Variants in DEPDC5 observed in about 807,000 individuals in gnomAD.
The protein encoded by DEPDC5 is GATOR1 complex protein DEPDC5.
In DEPDC5, 73 loss-of-function variants were observed where a neutral mutation model predicts 217.3. The ratio of observed to expected loss-of-function variants is 0.34; its 90% CI spans 0.28 to 0.41. The LOEUF (loss-of-function observed/expected upper bound fraction) is 0.41. Ranked by LOEUF, DEPDC5 falls within the 10% of genes least tolerant of loss-of-function variation. DEPDC5 has a pLI of 1.00. For synonymous variants in DEPDC5, 733 were observed against 756.7 expected (o/e 0.97, Z 0.51); for missense variants, 1,675 against 2,070.1 (o/e 0.81, Z 3.70).
intron 33 of DEPDC5, among the ~76,000 whole-genome samples, chr22:31,864,526 T>TATATATATATATATATATATATATA (rs1335760559): frequency 3.9e-4 from 46 of 117,806 alleles, no homozygotes; most frequent in South Asian, 1.1e-3. Flanking sequence ...ATATATATAT[T>TATATATATATATATATATATATATA]TATATATTTA....
At chr22:31,795,634 T>TC (rs2086157666) in intron 12 of DEPDC5, among the ~76,000 whole-genome samples, 1 of 152,162 alleles carries the variant, frequency 6.6e-6, no homozygotes, top group Non-Finnish European at 1.5e-5. Flanking sequence ...CCTCAGGTGA[T>TC]CCGCCTGCCT....
At chr22:31,843,425 A>G (rs2091518180) in intron 28 of DEPDC5, among the ~76,000 whole-genome samples, 1 of 152,222 alleles carries the variant, frequency 6.6e-6, no homozygotes, top group Admixed American at 6.5e-5. Context: ...AGCATGATTC[A>G]TGACAAGCCT....
chr22:31,783,806 C>A, intron 8 of DEPDC5, 101 bp from the exon 9 acceptor site: 1 of 976,736 alleles, frequency 1.0e-6, no homozygotes, highest in Non-Finnish European at 1.5e-6. Context: ...GTGTTAAGAA[C>A]ATTTACACTG....
At chr22:31,791,940 A>G in intron 10 of DEPDC5, 93 bp from the exon 11 acceptor site, 1 of 632,198 alleles carries the variant, frequency 1.6e-6, no homozygotes, top group Non-Finnish European at 2.4e-6. Context: ...AAAAAAAAAA[A>G]AAAAAAAAAA....
chr22:31,813,769 T>C (rs1048574142), intron 20 of DEPDC5: 2 of 152,074 alleles, frequency 1.3e-5, no homozygotes, highest in Non-Finnish European at 2.9e-5. Context: ...TGAACAGTTA[T>C]CACCATGTTG....
chr22:31,780,624 C>T (rs548009451), intron 8 of DEPDC5, among the ~76,000 whole-genome samples: 144 of 152,280 alleles, frequency 9.5e-4, no homozygotes, highest in Middle Eastern at 3.4e-3. Flanking sequence ...TTCCCCTTCC[C>T]AAGCCACTCA....
chr22:31,845,767 A>ATG (rs113529867), intron 30 of DEPDC5, among the ~76,000 whole-genome samples: 5,434 of 149,248 alleles, frequency 0.036, 146 homozygotes, highest in African/African-American at 0.079. Context: ...GTGTGTGTGT[A>ATG]TGTGTGTGTG....
chr22:31,804,740 C>A, intron 16 of DEPDC5, 102 bp from the exon 17 acceptor site: 1 of 1,253,508 alleles, frequency 8.0e-7, no homozygotes, highest in South Asian at 1.3e-5. Flanking sequence ...GCGCCCAGCC[C>A]TAAAAAATTT....
rs192769874 is a variant in DEPDC5, at chr22:31,880,499, A to G, written c.4033+747A>G. ...AAGGAAGAAAGCAAATAGAACATAA[A>G]CCAAACTCCAGGGAAATTCCATGTT... On this transcript the variant is annotated intron_variant, in intron 38 of 42. Coordinates refer to ENST00000651528, the MANE Select transcript of DEPDC5 (RefSeq NM_001242896.3). 1.5e-4 allele frequency among the ~76,000 whole-genome samples: 23 copies of G among 152,306 alleles called. No homozygotes were observed. In the East Asian group the frequency reaches 4.1e-3, roughly 27 times the overall value.
At chr22:31,786,148 C>T (rs1439292245) in intron 10 of DEPDC5, among the ~76,000 whole-genome samples, 1 of 151,790 alleles carries the variant, frequency 6.6e-6, no homozygotes, top group Non-Finnish European at 1.5e-5. Context: ...TCCCACTACT[C>T]AGGAGGCTGA....
At chr22:31,846,427 A>C (rs906589844) in intron 30 of DEPDC5, among the ~76,000 whole-genome samples, 2 of 152,130 alleles carry the variant, frequency 1.3e-5, no homozygotes, top group Non-Finnish European at 2.9e-5. Flanking sequence ...ATCACTTACG[A>C]TTAGAAACGT....
chr22:31,879,397 G>C (rs1186229333), intron 37 of DEPDC5, 128 bp from the exon 38 acceptor site: 1 of 811,322 alleles, frequency 1.2e-6, no homozygotes, highest in Admixed American at 2.2e-5. Context: ...GAACTATACA[G>C]TATGTGGCCT....
chr22:31,770,815 A>G (rs1437458922), intron 7 of DEPDC5, among the ~76,000 whole-genome samples: 1 of 144,732 alleles, frequency 6.9e-6, no homozygotes, highest in African/African-American at 2.5e-5. Flanking sequence ...TTTTTGAGAC[A>G]AAGTCTCACT....
intron 30 of DEPDC5, among the ~76,000 whole-genome samples, chr22:31,846,340 C>T (rs1016189543): frequency 9.9e-5 from 15 of 152,178 alleles, no homozygotes; most frequent in African/African-American, 3.1e-4. Flanking sequence ...AATGTTCCAT[C>T]ATCAGCCATG....
At chr22:31,854,384 T>A (rs1465807215) in intron 31 of DEPDC5, among the ~76,000 whole-genome samples, 2 of 152,200 alleles carry the variant, frequency 1.3e-5, no homozygotes, top group Admixed American at 1.3e-4. Flanking sequence ...GGATGAGGCT[T>A]GGAGGAAAAC....
chr22:31,843,689 G>A lies in DEPDC5; in HGVS notation c.2678G>A (p.Cys893Tyr). Residue 893 changes from cysteine (C) to tyrosine (Y), a missense_variant, in exon 29 of 43, where the codon TGT becomes TAT. Cys to Tyr is a radical substitution (Grantham distance 194, BLOSUM62 -2). Coordinates refer to ENST00000651528, the MANE Select transcript of DEPDC5 (RefSeq NM_001242896.3). ...SAQIHYTYSL[C>Y]PSHSDSEFVS... ...CAGATCCACTACACCTACAGCCTCT[G>A]TCCTTCCCACTCAGACTCAGAGTTC... 1 of 1,613,870 alleles carries A rather than the reference G, an allele frequency of 6.2e-7. No individual in the cohort carries two copies. Among genetic ancestry groups the A allele is most frequent in the Non-Finnish European group, 8.5e-7 (1 of 1,179,870 alleles).
intron 21 of DEPDC5, 112 bp downstream of exon 21, chr22:31,815,324 T>C: frequency 8.7e-7 from 1 of 1,154,942 alleles, no homozygotes; most frequent in Non-Finnish European, 1.3e-6. Flanking sequence ...TCTTAATGAT[T>C]TCTTTGCCAG....
chr22:31,901,645 TGA>T, intron 40 of DEPDC5, 95 bp from the exon 41 acceptor site: 3 of 1,059,044 alleles, frequency 2.8e-6, no homozygotes, highest in African/African-American at 3.2e-5. Context: ...TCAAGGGGAC[TGA>T]TTGCCAAGAG....
chr22:31,852,239 T>C (rs2149077658), intron 31 of DEPDC5, among the ~76,000 whole-genome samples: 1 of 152,296 alleles, frequency 6.6e-6, no homozygotes, highest in Non-Finnish European at 1.5e-5. Context: ...AAATTCCTGC[T>C]TACCCATCAT....
Sources: gnomAD v4.1 joint callset for allele counts (sites outside exome capture counted in the v4.1 genomes callset) on GRCh38, gnomAD v4.1.1 for gene constraint, MANE v1.5 for transcripts, NCBI Gene and HGNC (gene_info 2026-07-23, HGNC 2026-07-21) for gene names.